WWOX: variants seen among roughly 807,000 people sequenced by gnomAD.
WWOX encodes WW domain-containing oxidoreductase.
Under a neutral mutation model 46.2 loss-of-function variants are expected in WWOX, and 69 were observed. That is an observed-to-expected ratio of 1.49 (90% CI 1.23 to 1.82). The LOEUF (loss-of-function observed/expected upper bound fraction) is 1.82. Among genes scored for constraint, WWOX ranks in the 40% most tolerant of loss-of-function variants. The pLI, the probability that WWOX is intolerant of heterozygous loss-of-function variation, is 0.00. For missense variants in WWOX, 919 were observed against 542.6 expected, an observed-to-expected ratio of 1.69 and a Z score of -6.89; for synonymous variants, 359 against 202.6, an observed-to-expected ratio of 1.77 and a Z score of -6.56.
In WWOX at chr16:79,131,070, T is replaced by C. The variant is rs533176439; in HGVS notation, c.1057-80538T>C. 1.1e-4 allele frequency among the ~76,000 whole-genome samples: 17 copies of C among 152,286 alleles called. No homozygotes were observed. In the South Asian group the frequency reaches 3.5e-3, roughly 32 times the overall value. The stretch of plus-strand genomic sequence containing the variant: ...GACCAGCAGGCTTCTCTTTTTTTGT[T>C]TGATTTCACTCCTGAAAAGTGGGCT... On this transcript the variant is annotated intron_variant, in intron 8 of 8. Transcript: ENST00000566780.
intron 8 of WWOX, among the ~76,000 whole-genome samples, chr16:79,139,301 A>C (rs1485514550): frequency 6.6e-6 from 1 of 152,206 alleles, no homozygotes; most frequent in Non-Finnish European, 1.5e-5. Flanking sequence ...TTTACAGTCA[A>C]ATTCCAGCTA....
intron 8 of WWOX, among the ~76,000 whole-genome samples, chr16:78,509,015 C>T (rs533783564): frequency 6.6e-6 from 1 of 152,380 alleles, no homozygotes; most frequent in East Asian, 1.9e-4. Flanking sequence ...GCATGTGTGG[C>T]TTTGTAGACA....
At chr16:78,781,138 C>T (rs2050313636) in intron 8 of WWOX, among the ~76,000 whole-genome samples, 1 of 152,146 alleles carries the variant, frequency 6.6e-6, no homozygotes, top group African/African-American at 2.4e-5. Context: ...TAAATCAAGA[C>T]AGGGAAATGA....
chr16:78,332,857 T>G (rs2080793153), intron 5 of WWOX, among the ~76,000 whole-genome samples: 1 of 152,088 alleles, frequency 6.6e-6, no homozygotes, highest in Admixed American at 6.6e-5. Flanking sequence ...TTAAAATTGC[T>G]TCATGTCGCA....
chr16:78,885,618 C>CT (rs2044439168), intron 8 of WWOX, among the ~76,000 whole-genome samples: 2 of 152,156 alleles, frequency 1.3e-5, no homozygotes, highest in African/African-American at 4.8e-5. Flanking sequence ...GCCTCAGTCT[C>CT]TGATTTATTT....
chr16:78,946,133 T>A (rs2045943992), intron 8 of WWOX, among the ~76,000 whole-genome samples: 1 of 152,134 alleles, frequency 6.6e-6, no homozygotes, highest in African/African-American at 2.4e-5. Context: ...TTACTTTAAT[T>A]CCCCCTACAA....
At chr16:78,940,034 G>T (rs918418476) in intron 8 of WWOX, among the ~76,000 whole-genome samples, 1 of 152,126 alleles carries the variant, frequency 6.6e-6, no homozygotes, top group Admixed American at 6.6e-5. Context: ...CAGGCCTGAA[G>T]CTTCTAAAAA....
chr16:78,914,753 C>A (rs919785049), intron 8 of WWOX, among the ~76,000 whole-genome samples: 3 of 149,996 alleles, frequency 2.0e-5, no homozygotes, highest in South Asian at 4.2e-4. Flanking sequence ...CTGGCAGGCG[C>A]CTGTAGTCCC....
intron 8 of WWOX, among the ~76,000 whole-genome samples, chr16:78,681,894 C>G (rs568212872): frequency 6.6e-5 from 10 of 152,284 alleles, no homozygotes; most frequent in African/African-American, 1.4e-4. Context: ...GGCCCCACCC[C>G]GCAGAGCCCC....
At chr16:79,208,835 G>T (rs553070861) in intron 8 of WWOX, among the ~76,000 whole-genome samples, 3 of 152,112 alleles carry the variant, frequency 2.0e-5, no homozygotes, top group Non-Finnish European at 2.9e-5. Context: ...CCATTGGTAC[G>T]GCTGAAAATT....
At chr16:78,346,993 G>T in intron 5 of WWOX, among the ~76,000 whole-genome samples, 1 of 119,566 alleles carries the variant, frequency 8.4e-6, no homozygotes, top group African/African-American at 2.8e-5. Flanking sequence ...CCAAAGTGCT[G>T]GGATTACAGG....
intron 8 of WWOX, among the ~76,000 whole-genome samples, chr16:79,103,738 A>G (rs1025841364): frequency 9.2e-5 from 14 of 152,138 alleles, no homozygotes; most frequent in Admixed American, 9.2e-4. Flanking sequence ...TACTTAAACT[A>G]TTAAGTCCGT....
chr16:78,435,351 GTC>G (rs2083311129), intron 8 of WWOX, among the ~76,000 whole-genome samples: 1 of 152,198 alleles, frequency 6.6e-6, no homozygotes, highest in Non-Finnish European at 1.5e-5. Context: ...CCCTACTGCA[GTC>G]TCTCCTATTT....
At chr16:78,610,471 G>T (rs991175536) in intron 8 of WWOX, among the ~76,000 whole-genome samples, 2 of 152,096 alleles carry the variant, frequency 1.3e-5, no homozygotes, top group African/African-American at 4.8e-5. Flanking sequence ...AAAGATAAAA[G>T]GTCACCTACA....
At chr16:78,286,048 C>T (rs990664585) in intron 5 of WWOX, among the ~76,000 whole-genome samples, 4 of 152,150 alleles carry the variant, frequency 2.6e-5, no homozygotes, top group African/African-American at 9.7e-5. Context: ...GCGAGATCGA[C>T]GTGTGTTCAT....
intron 8 of WWOX, among the ~76,000 whole-genome samples, chr16:78,489,853 A>C (rs968946389): frequency 1.3e-5 from 2 of 152,150 alleles, no homozygotes; most frequent in Non-Finnish European, 2.9e-5. Flanking sequence ...AGGGTGTATC[A>C]CTGGTATGGG....
At chr16:78,237,979 T>A (rs572037123) in intron 5 of WWOX, 1 of 152,262 alleles carries the variant, frequency 6.6e-6, no homozygotes, top group Admixed American at 6.5e-5. Flanking sequence ...CCAGATCCCT[T>A]GAGGGAAGCC....
chr16:78,356,366 G>C (rs886541513), intron 5 of WWOX, among the ~76,000 whole-genome samples: 1 of 152,000 alleles, frequency 6.6e-6, no homozygotes, highest in Non-Finnish European at 1.5e-5. Context: ...ACCTATTTAA[G>C]TAGTAAAGAT....
Position 78,876,966 on chromosome 16 carries a change from A to G in WWOX, c.1057-334642A>G, listed in dbSNP as rs547324731. ...AAGTAGGAAAATGTGTTTCCTCTGT[A>G]TAGTCTTATTACTTTGCCTGTTAAG... On this transcript the variant is annotated intron_variant, in intron 8 of 8. Coordinates refer to ENST00000566780, the MANE Select transcript of WWOX (RefSeq NM_016373.4). Among the ~76,000 whole-genome samples, 75 of 152,264 alleles carry G rather than the reference A, an allele frequency of 4.9e-4. No homozygotes were observed. The South Asian group carries it at 0.014, about 29-fold the overall frequency.
Sources: gnomAD v4.1 joint callset for allele counts (sites outside exome capture counted in the v4.1 genomes callset) on GRCh38, gnomAD v4.1.1 for gene constraint, MANE v1.5 for transcripts, NCBI Gene and HGNC (gene_info 2026-07-23, HGNC 2026-07-21) for gene names.